Variants in CALHM4 observed in about 807,000 individuals in gnomAD.
CALHM4 encodes the protein calcium homeostasis modulator protein 4.
A neutral mutation model predicts 13.3 loss-of-function variants in CALHM4; 16 were observed. The observed-to-expected ratio is 1.20, with a 90% CI of 0.81 to 1.82. CALHM4 has a LOEUF of 1.82. CALHM4 is among the 40% of genes most tolerant of loss of function. The pLI, the probability that CALHM4 is intolerant of heterozygous loss-of-function variation, is 0.00. For synonymous variants in CALHM4, 127 were observed against 137.1 expected (o/e 0.93, Z 0.52); for missense variants, 344 against 374.9 (o/e 0.92, Z 0.68).
intron 1 of CALHM4, among the ~76,000 whole-genome samples, chr6:116,538,147 A>G (rs758797037): frequency 3.3e-5 from 5 of 152,192 alleles, no homozygotes. Flanking sequence ...ATTAAAATGA[A>G]TATGTGGAAT....
At chr6:116,551,142 T>C (rs1583312174), upstream of CALHM4, among the ~76,000 whole-genome samples, 1 of 152,222 alleles carries the variant, frequency 6.6e-6, no homozygotes, top group African/African-American at 2.4e-5. Context: ...TTCTGTCCCC[T>C]GACCAAACCT....
At chr6:116,545,455 T>G in intron 2 of CALHM4, 3 of 1,539,052 alleles carry the variant, frequency 1.9e-6, no homozygotes, top group Non-Finnish European at 1.8e-6. Context: ...AAAAAATCTC[T>G]TTGTAGAAAG....
chr6:116,531,513 C>A (rs887296482), intron 1 of CALHM4, among the ~76,000 whole-genome samples: 4 of 152,090 alleles, frequency 2.6e-5, no homozygotes, highest in Non-Finnish European at 4.4e-5. Flanking sequence ...TCAAGATAGA[C>A]TAAAACTGTA....
chr6:116,559,002 T>G lies in CALHM4; in HGVS notation c.*791T>G, dbSNP rs1484346636. On this transcript the variant is annotated 3_prime_UTR_variant, in exon 2 of 2. Transcript: ENST00000368596. ...TGTGCTCTACTCCAGAGATACCATT[T>G]GTACCTTTTCATTACCAAATTGCAC... 1 of 152,224 alleles carries G rather than the reference T, an allele frequency of 6.6e-6. No individual in the cohort carries two copies. Among genetic ancestry groups the G allele is most frequent in the Non-Finnish European group, 1.5e-5 (1 of 68,042 alleles). The allele number at this position is 152,224 out of a possible 1,614,324, so 9.4% of individuals were successfully genotyped here. A position where few individuals can be genotyped will look rare whatever the true frequency, so the allele number is the denominator to read the frequency against.
In CALHM4 at chr6:116,537,298, GGGATATTT is replaced by G. The variant is rs954738040; in HGVS notation, c.-108-6463_-108-6456del. Among the ~76,000 whole-genome samples, 10 of 152,284 alleles carry G rather than the reference GGGATATTT, an allele frequency of 6.6e-5. 1 individual carries two copies. The highest frequency in any genetic ancestry group is 2.2e-4 in the African/African-American group (9 of 41,558). ...GATAAGACATGAAAATCTTAGAGAA[GGGATATTT>G]GGAAAGCAGATGTTGTACATTTTTC... On this transcript the variant is annotated intron_variant, in intron 1 of 2. Coordinates refer to the CALHM4 transcript ENST00000368597.
chr6:116,557,946 A>C lies in CALHM4; in HGVS notation c.680A>C (p.Asn227Thr), dbSNP rs1158050360. The C allele has an allele frequency of 6.2e-7, 1 of 1,614,046 alleles. No homozygotes were observed. The highest frequency in any genetic ancestry group is 8.5e-7 in the Non-Finnish European group (1 of 1,180,028). The change falls in exon 2 of 2, where the codon AAT becomes ACT. Residue 227 changes from asparagine (N) to threonine (T), a missense_variant. Physicochemically the swap from Asn to Thr is moderately conservative, Grantham distance 65. Transcript: ENST00000368596. ...QHCYWTSHLQ[N>T]ERELFEQAAE... ...TGCTACTGGACCAGCCACCTCCAGA[A>C]TGAGAGAGAACTCTTTGAACAAGCA...
rs936009660 is a variant in CALHM4 at position 116,560,574 on chromosome 6, G to A, written c.*2363G>A. ...TAGCATCTATGTGAACATTTAAAAG[G>A]TAGTACACACCCCTGGGATTTCATC... On this transcript the variant is annotated 3_prime_UTR_variant, in exon 2 of 2. Coordinates refer to ENST00000368596, the MANE Select transcript of CALHM4 (RefSeq NM_001366078.2). Among the ~76,000 whole-genome samples, 1 of 145,336 alleles carries A rather than the reference G, an allele frequency of 6.9e-6. No individual in the cohort carries two copies. Among genetic ancestry groups the A allele is most frequent in the African/African-American group, 2.5e-5 (1 of 39,548 alleles).
intron 1 of CALHM4, among the ~76,000 whole-genome samples, chr6:116,541,257 G>A (rs1327213923): frequency 2.6e-5 from 4 of 152,140 alleles, no homozygotes; most frequent in African/African-American, 4.8e-5. Context: ...ACAAAGAAAG[G>A]TCAGAATCTC....
At chr6:116,532,402 G>A (rs1772797085) in intron 1 of CALHM4, among the ~76,000 whole-genome samples, 1 of 152,006 alleles carries the variant, frequency 6.6e-6, no homozygotes, top group South Asian at 2.1e-4. Flanking sequence ...GCGCCCGGCC[G>A]GTTTTTCTAG....
intron 2 of CALHM4, among the ~76,000 whole-genome samples, chr6:116,545,931 T>C (rs1196393631): frequency 6.6e-6 from 1 of 152,250 alleles, no homozygotes; most frequent in Admixed American, 6.5e-5. Context: ...AAGATAGATC[T>C]AAATGTTAGC....
intron 1 of CALHM4, among the ~76,000 whole-genome samples, chr6:116,555,146 C>T (rs73769130): frequency 0.034 from 5,119 of 152,130 alleles, 278 homozygotes; most frequent in African/African-American, 0.12. Context: ...AAAGTTATTT[C>T]GTTGGGAAAA....
chr6:116,546,936 T>C (rs952942459), intron 2 of CALHM4, among the ~76,000 whole-genome samples: 2 of 152,136 alleles, frequency 1.3e-5, no homozygotes, highest in Non-Finnish European at 2.9e-5. Flanking sequence ...AAATTTACAG[T>C]TTACAACATG....
chr6:116,529,433 G>T (rs1433727587), intron 1 of CALHM4, among the ~76,000 whole-genome samples: 1 of 152,136 alleles, frequency 6.6e-6, no homozygotes, highest in Non-Finnish European at 1.5e-5. Flanking sequence ...GGAAATATGG[G>T]GTAGCCTCCA....
chr6:116,545,946 T>G (rs938709961), intron 2 of CALHM4, among the ~76,000 whole-genome samples: 10 of 152,196 alleles, frequency 6.6e-5, no homozygotes, highest in African/African-American at 2.4e-4. Context: ...GTTAGCATTA[T>G]TCAGTCTTGG....
chr6:116,554,632 G>A (rs1428831036), intron 1 of CALHM4, among the ~76,000 whole-genome samples: 2 of 152,060 alleles, frequency 1.3e-5, no homozygotes, highest in Non-Finnish European at 2.9e-5. Flanking sequence ...GGGCTGCTGT[G>A]GGGAATACAT....
At chr6:116,552,073 A>C (rs991851831), upstream of CALHM4, among the ~76,000 whole-genome samples, 1 of 152,106 alleles carries the variant, frequency 6.6e-6, no homozygotes, top group Non-Finnish European at 1.5e-5. Context: ...TTTTTGCTGT[A>C]ATATATCCTT....
intron 1 of CALHM4, among the ~76,000 whole-genome samples, chr6:116,541,485 A>G (rs961891978): frequency 9.8e-5 from 15 of 152,308 alleles, no homozygotes; most frequent in African/African-American, 3.6e-4. Flanking sequence ...CTCTAAAAAG[A>G]GATGAAATCT....
At chr6:116,548,271 C>CA (rs1773900009) in intron 2 of CALHM4, among the ~76,000 whole-genome samples, 1 of 152,036 alleles carries the variant, frequency 6.6e-6, no homozygotes, top group African/African-American at 2.4e-5. Flanking sequence ...GAGCCCTTGC[C>CA]AAAAAACAAT....
At chr6:116,532,170 G>A (rs973661819) in intron 1 of CALHM4, among the ~76,000 whole-genome samples, 2 of 152,198 alleles carry the variant, frequency 1.3e-5, no homozygotes, top group Non-Finnish European at 2.9e-5. Context: ...TTCATTTAAA[G>A]ACAAATGTGG....
Sources: gnomAD v4.1 joint callset for allele counts (sites outside exome capture counted in the v4.1 genomes callset) on GRCh38, gnomAD v4.1.1 for gene constraint, MANE v1.5 for transcripts, NCBI Gene and HGNC (gene_info 2026-07-23, HGNC 2026-07-21) for gene names.